The following BCAR3 variants were observed in gnomAD, a reference collection of about 807,000 sequenced individuals.
The protein encoded by BCAR3 is breast cancer anti-estrogen resistance protein 3.
In BCAR3, 37 loss-of-function variants were observed where a neutral mutation model predicts 80.1. The observed-to-expected ratio is 0.46, with a 90% CI of 0.36 to 0.61. BCAR3 has a LOEUF of 0.61. Among genes scored for constraint, BCAR3 ranks in the 20% least tolerant of loss-of-function variants. The pLI is 0.00. For synonymous variants in BCAR3, 389 were observed against 418.9 expected, an observed-to-expected ratio of 0.93 and a Z score of 0.87; for missense variants, 978 against 1,068.2, an observed-to-expected ratio of 0.92 and a Z score of 1.18.
At chr1:93,816,001 C>T (rs1406706961) in intron 2 of BCAR3, among the ~76,000 whole-genome samples, 1 of 152,140 alleles carries the variant, frequency 6.6e-6, no homozygotes, top group Non-Finnish European at 1.5e-5. Context: ...ATGGAACATT[C>T]ACAAACATAT....
intron 2 of BCAR3, among the ~76,000 whole-genome samples, chr1:93,835,400 C>A (rs11804187): frequency 0.011 from 1,633 of 152,286 alleles, 28 homozygotes; most frequent in African/African-American, 0.037. Context: ...CAACTTCTGT[C>A]CCTCACGGCC....
intron 2 of BCAR3, among the ~76,000 whole-genome samples, chr1:93,644,026 T>G (rs1426369657): frequency 1.3e-5 from 2 of 152,204 alleles, no homozygotes; most frequent in African/African-American, 4.8e-5. Context: ...TAACCCTATA[T>G]ATCGTGACTT....
chr1:93,847,713 A>AT (rs147168747), upstream of BCAR3: 827 of 144,444 alleles, frequency 5.7e-3, 5 homozygotes, highest in African/African-American at 0.014. Context: ...CATGTCTCTT[A>AT]TTTTTTTTTT....
Position 93,571,798 on chromosome 1 carries a change from A to G in BCAR3, c.1846T>C (p.Cys616Arg). 3.1e-6 allele frequency: 5 copies of G among 1,614,174 alleles called. No individual in the cohort carries two copies. Among genetic ancestry groups the G allele is most frequent in the Non-Finnish European group, 4.2e-6 (5 of 1,180,028 alleles). ...GCTCGGTCCTCCAAAGTGCCCGTGC[A>G]TCCCAGAATGTCCACTGCAATGCCG... ...AIGIAVDILG[C>R]TGTLEDRAAT... Residue 616 changes from cysteine to arginine, a missense_variant, in exon 9 of 12, where the codon TGC becomes CGC. Coordinates refer to ENST00000260502, the MANE Select transcript of BCAR3 (RefSeq NM_003567.4).
intron 2 of BCAR3, among the ~76,000 whole-genome samples, chr1:93,781,845 G>A (rs564506098): frequency 5.3e-5 from 8 of 152,040 alleles, no homozygotes; most frequent in Non-Finnish European, 7.4e-5. Context: ...TCCCAAGCTC[G>A]ACAACTGTTC....
intron 2 of BCAR3, chr1:93,648,703 C>G (rs1332664002): frequency 1.3e-5 from 2 of 152,184 alleles, no homozygotes; most frequent in Non-Finnish European, 2.9e-5. Context: ...AACTGAGGAC[C>G]AGCTATTTGG....
intron 2 of BCAR3, among the ~76,000 whole-genome samples, chr1:93,756,787 T>C (rs1051380918): frequency 6.6e-6 from 1 of 152,118 alleles, no homozygotes; most frequent in African/African-American, 2.4e-5. Flanking sequence ...CTGGGAAGGG[T>C]TAGAGTGATT....
At chr1:93,757,568 T>A (rs527889181) in intron 2 of BCAR3, among the ~76,000 whole-genome samples, 1 of 152,326 alleles carries the variant, frequency 6.6e-6, no homozygotes, top group African/African-American at 2.4e-5. Context: ...TCCTCTGCAC[T>A]TCATTTTTTC....
chr1:93,747,071 C>T (rs1320289143), intron 2 of BCAR3, among the ~76,000 whole-genome samples: 1 of 152,178 alleles, frequency 6.6e-6, no homozygotes, highest in Non-Finnish European at 1.5e-5. Context: ...GGACATTTAT[C>T]ACTCTTTATG....
At chr1:93,607,217 C>T (rs1674796807) in intron 3 of BCAR3, among the ~76,000 whole-genome samples, 1 of 152,134 alleles carries the variant, frequency 6.6e-6, no homozygotes, top group Non-Finnish European at 1.5e-5. Flanking sequence ...TATCCATGTA[C>T]AAACCTGTGC....
intron 2 of BCAR3, among the ~76,000 whole-genome samples, chr1:93,834,012 GAACT>G (rs1172263819): frequency 1.3e-5 from 2 of 152,116 alleles, no homozygotes; most frequent in African/African-American, 4.8e-5. Flanking sequence ...TTAATTTGGG[GAACT>G]AACAAATGTC....
At chr1:93,693,441 C>T (rs901578575) in intron 3 of BCAR3, among the ~76,000 whole-genome samples, 3 of 152,178 alleles carry the variant, frequency 2.0e-5, no homozygotes, top group African/African-American at 7.2e-5. Context: ...AGCAGCTCTT[C>T]CTCACAGCAT....
chr1:93,804,358 A>T (rs1653591209), intron 2 of BCAR3, among the ~76,000 whole-genome samples: 1 of 152,234 alleles, frequency 6.6e-6, no homozygotes, highest in African/African-American at 2.4e-5. Context: ...TTTAATTTAC[A>T]AACTAGGCAC....
At chr1:93,762,086 A>T (rs1245630428) in intron 2 of BCAR3, among the ~76,000 whole-genome samples, 1 of 152,182 alleles carries the variant, frequency 6.6e-6, no homozygotes, top group Non-Finnish European at 1.5e-5. Context: ...ATGTGCTCTA[A>T]GTATCACAAA....
intron 2 of BCAR3, among the ~76,000 whole-genome samples, chr1:93,737,860 T>C (rs960513187): frequency 1.3e-5 from 2 of 152,118 alleles, no homozygotes; most frequent in Non-Finnish European, 2.9e-5. Context: ...CAAGATGGGC[T>C]CTTGCTCTGT....
At position 93,692,600 on chromosome 1, in the gene BCAR3, T is replaced by G. The variant is rs185974783; in HGVS notation, c.-12+13492A>C. Among the ~76,000 whole-genome samples the G allele has an allele frequency of 1.6e-4, 24 of 152,302 alleles. No homozygotes were observed. In the East Asian group the frequency reaches 4.4e-3, roughly 28 times the overall value. ...AGAGGTGGGGGTTATTAAGCCCTTT[T>G]TATAGACGAGAAAATGAAAGCACAA... On this transcript the variant is annotated intron_variant, in intron 3 of 13. Transcript: ENST00000370244.
chr1:93,713,476 T>C (rs1392557859), intron 2 of BCAR3, among the ~76,000 whole-genome samples: 1 of 152,186 alleles, frequency 6.6e-6, no homozygotes, highest in East Asian at 1.9e-4. Flanking sequence ...GTAGGAATTA[T>C]GTTGAGGCTC....
intron 2 of BCAR3, among the ~76,000 whole-genome samples, chr1:93,784,158 G>GGA (rs1652861203): frequency 6.9e-6 from 1 of 145,520 alleles, no homozygotes; most frequent in Non-Finnish European, 1.5e-5. Flanking sequence ...GTGGTGATGA[G>GGA]TTTTCCCTAC....
At chr1:93,777,534 T>C (rs1652615004) in intron 2 of BCAR3, among the ~76,000 whole-genome samples, 1 of 151,404 alleles carries the variant, frequency 6.6e-6, no homozygotes, top group Non-Finnish European at 1.5e-5. Context: ...TCTTCTTTCC[T>C]TCTCCTCTTC....
Sources: allele counts gnomAD v4.1 joint callset (sites outside exome capture counted in the v4.1 genomes callset), GRCh38; gene constraint gnomAD v4.1.1; transcripts MANE v1.5; gene names NCBI Gene and HGNC (gene_info 2026-07-23, HGNC 2026-07-21).